The following ROBO2 variants were observed in gnomAD, a reference collection of about 807,000 sequenced individuals.
ROBO2 encodes the protein roundabout guidance receptor 2.
In ROBO2, 53 loss-of-function variants were observed where a neutral mutation model predicts 160.8. That is an observed-to-expected ratio of 0.33 (90% CI 0.26 to 0.41). The LOEUF (loss-of-function observed/expected upper bound fraction) is 0.41, where lower values mean the gene tolerates loss of function less well. Ranked by LOEUF, ROBO2 falls within the 10% of genes least tolerant of loss-of-function variation. The pLI, the probability that ROBO2 is intolerant of heterozygous loss-of-function variation, is 1.00. For synonymous variants in ROBO2, 664 were observed against 611.7 expected (o/e 1.09, Z -1.26); for missense variants, 1,577 against 1,722.4 (o/e 0.92, Z 1.49).
intron 2 of ROBO2, among the ~76,000 whole-genome samples, chr3:77,031,253 GA>G (rs1193360440): frequency 6.6e-5 from 10 of 152,048 alleles, no homozygotes; most frequent in South Asian, 4.2e-4. Flanking sequence ...AATATAACAA[GA>G]AATAGCCGTT....
chr3:76,811,059 T>A (rs1356346128), intron 2 of ROBO2, among the ~76,000 whole-genome samples: 1 of 152,200 alleles, frequency 6.6e-6, no homozygotes, highest in African/African-American at 2.4e-5. Context: ...AAACTCATAG[T>A]GTTGCATGAC....
chr3:76,655,157 A>G (rs1378795157), intron 2 of ROBO2, among the ~76,000 whole-genome samples: 1 of 150,132 alleles, frequency 6.7e-6, no homozygotes, highest in Non-Finnish European at 1.5e-5. Context: ...TCCTATTAAT[A>G]TTCGCAGGGG....
At chr3:76,787,904 T>C (rs1293854513) in intron 2 of ROBO2, among the ~76,000 whole-genome samples, 1 of 151,444 alleles carries the variant, frequency 6.6e-6, no homozygotes, top group Non-Finnish European at 1.5e-5. Flanking sequence ...CATCATGATA[T>C]TAGTATTACG....
At chr3:76,098,233 A>G (rs2069533702) in intron 2 of ROBO2, among the ~76,000 whole-genome samples, 1 of 152,228 alleles carries the variant, frequency 6.6e-6, no homozygotes. Flanking sequence ...TCCTGTGGTA[A>G]GGAATTTGAA....
chr3:76,890,808 G>T (rs369013393), intron 2 of ROBO2, among the ~76,000 whole-genome samples: 2 of 152,080 alleles, frequency 1.3e-5, no homozygotes, highest in East Asian at 3.9e-4. Context: ...CCTTTCTACT[G>T]TTTGCTCCTC....
At chr3:76,547,798 C>G (rs960345212) in intron 2 of ROBO2, among the ~76,000 whole-genome samples, 1 of 152,098 alleles carries the variant, frequency 6.6e-6, no homozygotes, top group African/African-American at 2.4e-5. Context: ...CGTTACTCAT[C>G]TGACTGCCAC....
intron 2 of ROBO2, among the ~76,000 whole-genome samples, chr3:77,013,205 T>A (rs1024921658): frequency 7.9e-5 from 12 of 152,132 alleles, no homozygotes; most frequent in African/African-American, 2.7e-4. Context: ...AATTGAAATA[T>A]TTTGGAAAGA....
intron 2 of ROBO2, among the ~76,000 whole-genome samples, chr3:75,950,896 G>A (rs1051766582): frequency 1.3e-5 from 2 of 152,100 alleles, no homozygotes; most frequent in Non-Finnish European, 1.5e-5. Flanking sequence ...AGGATAGGCT[G>A]TGGTCAACTG....
chr3:76,779,619 G>A (rs924288225), intron 2 of ROBO2, among the ~76,000 whole-genome samples: 1 of 150,846 alleles, frequency 6.6e-6, no homozygotes, highest in Non-Finnish European at 1.5e-5. Flanking sequence ...TTCTGCGTCT[G>A]GCTTATTTCA....
intron 2 of ROBO2, among the ~76,000 whole-genome samples, chr3:76,786,031 C>T (rs1384271951): frequency 6.6e-6 from 1 of 151,120 alleles, no homozygotes; most frequent in African/African-American, 2.4e-5. Flanking sequence ...CCTCTTTAAC[C>T]TTGTGGATGT....
intron 2 of ROBO2, among the ~76,000 whole-genome samples, chr3:76,349,591 G>T (rs1056944172): frequency 6.6e-6 from 1 of 152,100 alleles, no homozygotes; most frequent in African/African-American, 2.4e-5. Flanking sequence ...AAGATATCAA[G>T]TTGCATTTAC....
intron 2 of ROBO2, among the ~76,000 whole-genome samples, chr3:76,658,346 T>A (rs888419939): frequency 6.6e-6 from 1 of 152,034 alleles, no homozygotes; most frequent in Non-Finnish European, 1.5e-5. Context: ...CCTTTTTTTT[T>A]ATTATTATAC....
In ROBO2 at chr3:75,939,959, G is replaced by A. The variant is rs562845618; in HGVS notation, c.109+2357G>A. ...CATTAAATATTGGTTATTGTGACCC[G>A]CAATGTCCAAGATTATGATTAAGTA... On this transcript the variant is annotated intron_variant, in intron 2 of 26. Coordinates refer to the ROBO2 transcript ENST00000487694. Among the ~76,000 whole-genome samples, 48 of 151,958 alleles carry A rather than the reference G, an allele frequency of 3.2e-4. No homozygotes were observed. The South Asian group carries it at 4.4e-3, about 14-fold the overall frequency.
chr3:75,971,420 A>T (rs972078140), intron 2 of ROBO2, among the ~76,000 whole-genome samples: 29 of 151,506 alleles, frequency 1.9e-4, no homozygotes, highest in Admixed American at 6.6e-5. Context: ...AATAGCTTAA[A>T]AATTAGGTCC....
intron 2 of ROBO2, among the ~76,000 whole-genome samples, chr3:76,520,176 C>A (rs1387460520): frequency 6.6e-6 from 1 of 152,204 alleles, no homozygotes; most frequent in South Asian, 2.1e-4. Context: ...CCAGGCCAGG[C>A]GCAGTGGCTC....
chr3:77,483,506 T>C (rs1393009728), intron 4 of ROBO2, among the ~76,000 whole-genome samples: 2 of 151,842 alleles, frequency 1.3e-5, no homozygotes, highest in Non-Finnish European at 2.9e-5. Flanking sequence ...AATATTTATA[T>C]AAGTAAAACT....
rs563354801 is a variant in ROBO2 at position 77,208,356 on chromosome 3, A to G, written c.388+110016A>G. ...CGCAATTGATTAGGCTCTATGTTAC[A>G]TAGATACATCATAAATTGCTTTTAT... On this transcript the variant is annotated intron_variant, in intron 2 of 25. Coordinates refer to ENST00000461745, the Ensembl canonical transcript of ROBO2. Among the ~76,000 whole-genome samples, 3 of 152,356 alleles carry G rather than the reference A, an allele frequency of 2.0e-5. No individual in the cohort carries two copies. In the South Asian group the frequency reaches 6.2e-4, roughly 32 times the overall value.
intron 2 of ROBO2, among the ~76,000 whole-genome samples, chr3:77,025,451 C>A (rs1488145872): frequency 2.6e-5 from 4 of 152,050 alleles, no homozygotes; most frequent in Non-Finnish European, 5.9e-5. Context: ...TTGCTAAGGG[C>A]AAAACTAATG....
At chr3:77,103,315 C>T (rs905741209) in intron 2 of ROBO2, among the ~76,000 whole-genome samples, 2 of 152,114 alleles carry the variant, frequency 1.3e-5, no homozygotes, top group Non-Finnish European at 2.9e-5. Flanking sequence ...CAGCACTGTG[C>T]CAGTGCAGAG....
Sources: gnomAD v4.1 joint callset for allele counts (sites outside exome capture counted in the v4.1 genomes callset) on GRCh38, gnomAD v4.1.1 for gene constraint, MANE v1.5 for transcripts, NCBI Gene and HGNC (gene_info 2026-07-23, HGNC 2026-07-21) for gene names.